Variants in BCL11A observed in about 807,000 individuals in gnomAD.
BCL11A encodes BCL11 transcription factor A, also known as B cell CLL/lymphoma 11A.
A neutral mutation model predicts 55.9 loss-of-function variants in BCL11A; 2 were observed. The ratio of observed to expected loss-of-function variants is 0.04; its 90% CI spans 0.01 to 0.11. BCL11A has a LOEUF of 0.11. Among genes scored for constraint, BCL11A ranks in the 10% least tolerant of loss-of-function variants. The probability of loss-of-function intolerance (pLI) is 1.00; values close to 1 mark genes in which losing one functional copy is unlikely to be tolerated. For missense variants in BCL11A, 817 were observed against 1,137.1 expected (o/e 0.72, Z 4.05); for synonymous variants, 465 against 473.4 (o/e 0.98, Z 0.23).
chr2:60,462,167 T>C lies in BCL11A; in HGVS notation c.745A>G (p.Arg249Gly), dbSNP rs546443165. 6.3e-6 allele frequency: 10 copies of C among 1,580,330 alleles called. No homozygotes were observed. The South Asian group carries it at 1.2e-4, about 19-fold the overall frequency. Residue 249 changes from arginine (R) to glycine (G), a missense_variant, in exon 4 of 4, where the codon AGA becomes GGA. Transcript: ENST00000642384. ...NLLRIPGSVS[R>G]EASGLAEGRF... Reference sequence around the variant, plus strand: ...CCTTCTGCCAGGCCGGAAGCCTCTCTCGATACTGATCCTGGTATTCTTAGC... The same window carrying C: ...CCTTCTGCCAGGCCGGAAGCCTCTCCCGATACTGATCCTGGTATTCTTAGC...
At chr2:60,466,363 C>T (rs1676609518) in intron 3 of BCL11A, among the ~76,000 whole-genome samples, 1 of 152,154 alleles carries the variant, frequency 6.6e-6, no homozygotes, top group South Asian at 2.1e-4. Flanking sequence ...CCCATGCAGG[C>T]CCCAGATGCC....
At position 60,461,062 on chromosome 2, in the gene BCL11A, A is replaced by T; in HGVS notation, c.1850T>A (p.Leu617Gln). The part of the protein sequence containing the change: ...CSPGESASGG[L>Q]SKKLLLGSPS... ...GCTGCCCAGCAGCAGCTTTTTGGAC[A>T]GGCCCCCCGAGGCCGACTCGCCCGG... Residue 617 changes from leucine to glutamine, a missense_variant, in exon 4 of 4, where the codon CTG becomes CAG. Physicochemically the swap from Leu to Gln is moderately radical, Grantham distance 113 (BLOSUM62 -2). Transcript: ENST00000642384. The T allele has an allele frequency of 6.2e-7, 1 of 1,602,772 alleles. No homozygotes were observed. Among genetic ancestry groups the T allele is most frequent in the Non-Finnish European group, 8.5e-7 (1 of 1,173,764 alleles).
downstream of BCL11A, among the ~76,000 whole-genome samples, chr2:60,453,863 G>A (rs114763960): frequency 0.014 from 2,057 of 152,252 alleles, 48 homozygotes; most frequent in African/African-American, 0.046. Context: ...CCTTGAAATA[G>A]TTTTTGCCAC....
At chr2:60,486,750 T>C (rs955877623) in intron 2 of BCL11A, among the ~76,000 whole-genome samples, 1 of 152,192 alleles carries the variant, frequency 6.6e-6, no homozygotes, top group African/African-American at 2.4e-5. Flanking sequence ...ACAGAGGTAT[T>C]ACAGTGTGAC....
At chr2:60,505,145 CA>C (rs373984962) in intron 2 of BCL11A, among the ~76,000 whole-genome samples, 113 of 148,374 alleles carry the variant, frequency 7.6e-4, no homozygotes, top group African/African-American at 2.4e-3. Context: ...AGGGCTTACT[CA>C]AAAAAAAAAT....
chr2:60,515,434 C>A (rs1668687940), intron 2 of BCL11A, among the ~76,000 whole-genome samples: 1 of 152,188 alleles, frequency 6.6e-6, no homozygotes, highest in East Asian at 1.9e-4. Context: ...TAAAACATGA[C>A]TCCTGCCCTC....
intron 2 of BCL11A, among the ~76,000 whole-genome samples, chr2:60,492,114 C>T (rs1678675017): frequency 6.6e-6 from 1 of 152,186 alleles, no homozygotes; most frequent in East Asian, 1.9e-4. Flanking sequence ...CAGTGGCTCT[C>T]GCCTGTAATC....
At chr2:60,452,479 C>G (rs1675763972), downstream of BCL11A, 4 of 1,046,800 alleles carry the variant, frequency 3.8e-6, no homozygotes, top group Admixed American at 6.9e-5. Context: ...TTGGAGGCTA[C>G]TGTCAGAAAA....
chr2:60,470,801 T>A (rs570279913), intron 2 of BCL11A, among the ~76,000 whole-genome samples: 14 of 152,298 alleles, frequency 9.2e-5, no homozygotes, highest in African/African-American at 2.9e-4. Flanking sequence ...AGTTTGTTTT[T>A]GTTTTTGTTT....
At position 60,460,362 on chromosome 2, in the gene BCL11A, G is replaced by A. The variant is rs770956284; in HGVS notation, c.*42C>T. The A allele has an allele frequency of 6.5e-7, 1 of 1,549,452 alleles. No homozygotes were observed. Among genetic ancestry groups the A allele is most frequent in the Non-Finnish European group, 8.8e-7 (1 of 1,142,026 alleles). On this transcript the variant is annotated 3_prime_UTR_variant, in exon 4 of 4. Coordinates refer to ENST00000642384, the MANE Select transcript of BCL11A (RefSeq NM_022893.4). ...GATGGGGAAGGGGAGTGGTGAAAAA[G>A]GGGGTGTCAGGTGGGAGTGAGGGAG...
intron 2 of BCL11A, among the ~76,000 whole-genome samples, chr2:60,501,074 G>T (rs1323244181): frequency 6.6e-6 from 1 of 152,212 alleles, no homozygotes; most frequent in Non-Finnish European, 1.5e-5. Context: ...CTCCACAGGA[G>T]CCCTGCCCAC....
intron 3 of BCL11A, among the ~76,000 whole-genome samples, chr2:60,467,951 G>T (rs1472082765): frequency 2.6e-5 from 3 of 113,530 alleles, no homozygotes; most frequent in Non-Finnish European, 4.1e-5. Flanking sequence ...GGTGGTGATG[G>T]TACTGGTGGT....
intron 2 of BCL11A, among the ~76,000 whole-genome samples, chr2:60,497,723 C>G (rs1002428974): frequency 1.3e-5 from 2 of 152,178 alleles, no homozygotes; most frequent in Non-Finnish European, 2.9e-5. Flanking sequence ...CAGGTCCAGC[C>G]TCCTACTCTT....
chr2:60,502,915 C>T (rs1302582963), intron 2 of BCL11A, among the ~76,000 whole-genome samples: 1 of 152,198 alleles, frequency 6.6e-6, no homozygotes, highest in African/African-American at 2.4e-5. Flanking sequence ...AGAAAGAACA[C>T]TGGTCTGTCT....
chr2:60,509,070 A>C (rs1238579968), intron 2 of BCL11A, among the ~76,000 whole-genome samples: 1 of 151,990 alleles, frequency 6.6e-6, no homozygotes, highest in Non-Finnish European at 1.5e-5. Context: ...AGAAACACTG[A>C]CTCTTATTTC....
chr2:60,522,088 C>T (rs1367496831), intron 2 of BCL11A: 1 of 152,260 alleles, frequency 6.6e-6, no homozygotes, highest in African/African-American at 2.4e-5. Context: ...CCATACTGCT[C>T]TCCACCAGTC....
chr2:60,528,540 G>C (rs1360287238), intron 2 of BCL11A: 1 of 152,306 alleles, frequency 6.6e-6, no homozygotes, highest in Non-Finnish European at 1.5e-5. Flanking sequence ...TGAAAAACTT[G>C]ACCACAGAAC....
intron 3 of BCL11A, among the ~76,000 whole-genome samples, chr2:60,468,056 G>GTGAT (rs1460404881): frequency 6.7e-6 from 1 of 148,754 alleles, no homozygotes; most frequent in African/African-American, 2.5e-5. Flanking sequence ...GGTACTGGTG[G>GTGAT]TGATGGTGGT....
intron 2 of BCL11A, among the ~76,000 whole-genome samples, chr2:60,504,674 C>A (rs1558650453): frequency 6.6e-6 from 1 of 152,152 alleles, no homozygotes; most frequent in Non-Finnish European, 1.5e-5. Flanking sequence ...GTACTGCTCA[C>A]CTGGAAATAC....
Sources: allele counts gnomAD v4.1 joint callset (sites outside exome capture counted in the v4.1 genomes callset), GRCh38; gene constraint gnomAD v4.1.1; transcripts MANE v1.5; gene names NCBI Gene and HGNC (gene_info 2026-07-23, HGNC 2026-07-21).